The following CEP83 variants were observed in gnomAD, a reference collection of about 807,000 sequenced individuals.
The protein encoded by CEP83 is centrosomal protein of 83 kDa.
Under a neutral mutation model 101.9 loss-of-function variants are expected in CEP83, and 70 were observed. The ratio of observed to expected loss-of-function variants is 0.69; its 90% CI spans 0.57 to 0.84. The LOEUF is 0.84. Among genes scored for constraint, CEP83 ranks in the 40% least tolerant of loss-of-function variants. The pLI, the probability that CEP83 is intolerant of heterozygous loss-of-function variation, is 0.00. For missense variants in CEP83, 715 were observed against 787.2 expected (o/e 0.91, Z 1.10); for synonymous variants, 264 against 267.9 (o/e 0.99, Z 0.14).
At chr12:94,306,035 G>GT (rs1286347680), downstream of CEP83, 3 of 151,966 alleles carry the variant, frequency 2.0e-5, no homozygotes, top group Non-Finnish European at 4.4e-5. Context: ...TTCTTCATCT[G>GT]TTTTTTCATA....
intron 2 of CEP83, among the ~76,000 whole-genome samples, chr12:94,425,903 G>A (rs757774830): frequency 2.6e-5 from 4 of 152,044 alleles, no homozygotes; most frequent in Non-Finnish European, 4.4e-5. Flanking sequence ...GGCGGATCAC[G>A]AGGTCAGGAG....
intron 1 of CEP83, among the ~76,000 whole-genome samples, chr12:94,438,544 A>G (rs1219392139): frequency 1.3e-5 from 2 of 152,198 alleles, no homozygotes; most frequent in African/African-American, 4.8e-5. Flanking sequence ...CGAAATTTAT[A>G]AAACAATTAC....
chr12:94,275,572 G>GAGCACTAAGTGTTAGCA, the CEP83 span, among the ~76,000 whole-genome samples: 3 of 143,868 alleles, frequency 2.1e-5, no homozygotes, highest in African/African-American at 2.6e-5. Context: ...ACTGCTGTTT[G>GAGCACTAAGTGTTAGCA]GCCGGGCGCG....
chr12:94,352,483 C>T (rs897522361), intron 11 of CEP83, among the ~76,000 whole-genome samples: 1 of 148,784 alleles, frequency 6.7e-6, no homozygotes, highest in African/African-American at 2.5e-5. Context: ...CCCAATAATA[C>T]TCCAGTAATA....
At chr12:94,432,520 T>G (rs750399562) in intron 2 of CEP83, among the ~76,000 whole-genome samples, 4 of 152,026 alleles carry the variant, frequency 2.6e-5, no homozygotes, top group Non-Finnish European at 5.9e-5. Context: ...TCACATGTAC[T>G]CATGTGGGAG....
intron 11 of CEP83, chr12:94,335,915 TG>T: frequency 2.6e-6 from 1 of 385,886 alleles, no homozygotes; most frequent in Admixed American, 4.6e-5. Context: ...CCAGGGGTAC[TG>T]GGGAACGCTA....
At chr12:94,313,556 G>A (rs992727800) in intron 14 of CEP83, among the ~76,000 whole-genome samples, 1 of 150,240 alleles carries the variant, frequency 6.7e-6, no homozygotes, top group Non-Finnish European at 1.5e-5. Context: ...AAAGGGTGGG[G>A]AGCCAGGCAC....
intron 6 of CEP83, among the ~76,000 whole-genome samples, chr12:94,389,245 C>T (rs1050945845): frequency 3.3e-5 from 5 of 152,140 alleles, no homozygotes; most frequent in African/African-American, 1.2e-4. Context: ...TTCTTTCTTT[C>T]ACTTCTTCAA....
rs968772125 is a variant in CEP83, at chr12:94,328,384, C to T, written c.1707+3316G>A. ...TTAAAAACAGCAGAAATGACAATCT[C>T]TGTGCTCAGGAGCTTGGAGCTCTGA... On this transcript the variant is annotated intron_variant, in intron 14 of 16. Transcript: ENST00000397809. 18 of 199,442 alleles carry T rather than the reference C, an allele frequency of 9.0e-5. No individual in the cohort carries two copies. The South Asian group carries it at 1.2e-3, about 13-fold the overall frequency. 12.4% of individuals were successfully genotyped at this position (199,442 alleles called of 1,614,324 possible).
chr12:94,399,998 TTA>T (rs1268991243), intron 6 of CEP83, among the ~76,000 whole-genome samples: 4 of 152,232 alleles, frequency 2.6e-5, no homozygotes, highest in Non-Finnish European at 5.9e-5. Context: ...TAGAACAGTT[TTA>T]GTTTTTATTA....
chr12:94,301,870 ACTC>A (rs1246809259), downstream of CEP83, among the ~76,000 whole-genome samples: 9 of 151,638 alleles, frequency 5.9e-5, no homozygotes, highest in African/African-American at 1.9e-4. Context: ...GTTATCTTTG[ACTC>A]CTCTTCCTTC....
At position 94,400,869 on chromosome 12, in the gene CEP83, T is replaced by C. The variant is rs530985149; in HGVS notation, c.530A>G (p.Lys177Arg). 3.4e-6 allele frequency: 5 copies of C among 1,479,722 alleles called. No individual in the cohort carries two copies. In the African/African-American group the frequency reaches 7.1e-5, roughly 21 times the overall value. The allele number at this position is 1,479,722 out of a possible 1,614,324, so 91.7% of individuals were successfully genotyped here. A position where few individuals can be genotyped will look rare whatever the true frequency, so the allele number is the denominator to read the frequency against. The change falls in exon 6 of 17, where the codon AAA (lysine) becomes AGA (arginine). Residue 177 changes from lysine (K) to arginine (R), a missense_variant. Lys to Arg is a conservative substitution (Grantham distance 26). Transcript: ENST00000397809. ...ACTTACCTCTGATTCATATTTTATT[T>C]TTCCTTCATCTAAAATACGTGCATA... Reference protein sequence around the residue: ...EEYARILDEGKIKYESEIARL... With the variant: ...EEYARILDEGRIKYESEIARL...
chr12:94,441,949 A>G (rs1458173348), intron 1 of CEP83, among the ~76,000 whole-genome samples: 1 of 151,736 alleles, frequency 6.6e-6, no homozygotes, highest in Non-Finnish European at 1.5e-5. Flanking sequence ...TAAAAGTAGA[A>G]CTACCATTTG....
intron 1 of CEP83, among the ~76,000 whole-genome samples, chr12:94,458,841 T>A (rs2067912315): frequency 6.6e-6 from 1 of 152,222 alleles, no homozygotes; most frequent in Non-Finnish European, 1.5e-5. Context: ...CAGGCTAAAT[T>A]CATAAATATG....
At chr12:94,380,405 A>C (rs929358980) in intron 6 of CEP83, among the ~76,000 whole-genome samples, 6 of 152,328 alleles carry the variant, frequency 3.9e-5, no homozygotes, top group Middle Eastern at 3.4e-3. Flanking sequence ...TTATCCTTGA[A>C]GGCAGCTGTG....
the CEP83 span, chr12:94,278,057 C>T: frequency 2.2e-6 from 1 of 456,006 alleles, no homozygotes; most frequent in Non-Finnish European, 4.4e-6. Context: ...GCTTTGGAGC[C>T]CCCCCTCCCT....
chr12:94,284,457 C>T, the CEP83 span, among the ~76,000 whole-genome samples: 1 of 152,156 alleles, frequency 6.6e-6, no homozygotes, highest in Non-Finnish European at 1.5e-5. Context: ...ATCTGCTTCA[C>T]CGTCTTATAA....
the CEP83 span, among the ~76,000 whole-genome samples, chr12:94,274,713 T>C: frequency 0.18 from 27,461 of 152,132 alleles, 2,652 homozygotes; most frequent in Admixed American, 0.23. Flanking sequence ...CAAAACATTC[T>C]TGTACTTCCA....
intron 11 of CEP83, among the ~76,000 whole-genome samples, chr12:94,348,528 C>T (rs563326098): frequency 5.9e-5 from 9 of 151,900 alleles, no homozygotes; most frequent in African/African-American, 9.7e-5. Context: ...TTGTGACATG[C>T]GACAAAAAGT....
Sources: gnomAD v4.1 joint callset for allele counts (sites outside exome capture counted in the v4.1 genomes callset) on GRCh38, gnomAD v4.1.1 for gene constraint, MANE v1.5 for transcripts, NCBI Gene and HGNC (gene_info 2026-07-23, HGNC 2026-07-21) for gene names.